SNAP25: variants seen among roughly 807,000 people sequenced by gnomAD.
The protein encoded by SNAP25 is synaptosome associated protein 25.
Under a neutral mutation model 28.7 loss-of-function variants are expected in SNAP25, and 3 were observed. That is an observed-to-expected ratio of 0.10 (90% CI 0.05 to 0.27). The LOEUF is 0.27. Ranked by LOEUF, SNAP25 falls within the 10% of genes least tolerant of loss-of-function variation. The probability of loss-of-function intolerance (pLI) is 1.00; values close to 1 mark genes in which losing one functional copy is unlikely to be tolerated. For missense variants in SNAP25, 117 were observed against 278.7 expected (o/e 0.42, Z 4.13); for synonymous variants, 61 against 88.1 (o/e 0.69, Z 1.72).
At chr20:10,241,293 C>T (rs926025673) in intron 1 of SNAP25, among the ~76,000 whole-genome samples, 1 of 152,062 alleles carries the variant, frequency 6.6e-6, no homozygotes, top group East Asian at 1.9e-4. Context: ...GGGGTGGCTC[C>T]GTACCCCAGC....
chr20:10,249,035 A>T (rs2063178840), intron 1 of SNAP25, among the ~76,000 whole-genome samples: 1 of 152,228 alleles, frequency 6.6e-6, no homozygotes, highest in Non-Finnish European at 1.5e-5. Flanking sequence ...CCATGGACAC[A>T]CAGCTTGTCA....
At chr20:10,260,617 G>A (rs1312205978) in intron 1 of SNAP25, among the ~76,000 whole-genome samples, 1 of 151,772 alleles carries the variant, frequency 6.6e-6, no homozygotes, top group Non-Finnish European at 1.5e-5. Context: ...AATCGGTCAG[G>A]AAACTCCCCT....
chr20:10,293,147 T>C lies in SNAP25; in HGVS notation c.164-14T>C, dbSNP rs2064035419. The C allele has an allele frequency of 1.9e-6, 3 of 1,605,586 alleles. No homozygotes were observed. In the African/African-American group the frequency reaches 4.0e-5, roughly 21 times the overall value. ...GCTTCATTCTGTGGGGATAAAATAC[T>C]TGTGTTTAATCAGAACAACTGGAAC... On this transcript the variant is annotated splice_polypyrimidine_tract_variant and intron_variant, in intron 4 of 7. Coordinates refer to ENST00000254976, the MANE Select transcript of SNAP25 (RefSeq NM_130811.4). The surrounding 1 kb of genome is among the most constrained non-coding windows in gnomAD (Gnocchi z 5.6).
intron 1 of SNAP25, among the ~76,000 whole-genome samples, chr20:10,221,362 A>G (rs1271534255): frequency 6.6e-6 from 1 of 152,218 alleles, no homozygotes; most frequent in Non-Finnish European, 1.5e-5. Context: ...TTACTGAGAA[A>G]TTTAAAAAAT....
At chr20:10,280,496 T>C (rs1293431682) in intron 3 of SNAP25, among the ~76,000 whole-genome samples, 2 of 152,132 alleles carry the variant, frequency 1.3e-5, no homozygotes, top group Non-Finnish European at 2.9e-5. Flanking sequence ...GAAACAGATA[T>C]GTAAGTAGCT....
At chr20:10,270,774 T>C (rs555465221) in intron 1 of SNAP25, among the ~76,000 whole-genome samples, 6 of 151,724 alleles carry the variant, frequency 4.0e-5, no homozygotes, top group Non-Finnish European at 8.8e-5. Flanking sequence ...TCCCTGAGGG[T>C]AGGGCCCAGC....
intron 7 of SNAP25, among the ~76,000 whole-genome samples, chr20:10,300,703 T>C (rs1255736235): frequency 1.3e-5 from 2 of 152,202 alleles, no homozygotes; most frequent in Admixed American, 6.5e-5. Flanking sequence ...AATATCTGAT[T>C]GCATATTTTG....
At chr20:10,223,511 C>T (rs2062672931) in intron 1 of SNAP25, among the ~76,000 whole-genome samples, 1 of 152,028 alleles carries the variant, frequency 6.6e-6, no homozygotes, top group African/African-American at 2.4e-5. Flanking sequence ...AAGCTGACTA[C>T]CTAGGGGAAA....
At chr20:10,247,768 C>G (rs1415542989) in intron 1 of SNAP25, among the ~76,000 whole-genome samples, 1 of 152,140 alleles carries the variant, frequency 6.6e-6, no homozygotes, top group African/African-American at 2.4e-5. Context: ...GATGATGGCA[C>G]GAAAGCAAAC....
intron 1 of SNAP25, among the ~76,000 whole-genome samples, chr20:10,247,990 T>C (rs1487388648): frequency 6.6e-6 from 1 of 152,184 alleles, no homozygotes; most frequent in Admixed American, 6.5e-5. Context: ...TAAGATGATT[T>C]CTCTCTGTTC....
At chr20:10,253,940 A>G (rs940528574) in intron 1 of SNAP25, among the ~76,000 whole-genome samples, 3 of 152,154 alleles carry the variant, frequency 2.0e-5, no homozygotes, top group African/African-American at 7.2e-5. Context: ...AGGGTTCCCT[A>G]CGCAGGATGT....
chr20:10,227,113 G>A (rs535333055), intron 1 of SNAP25, among the ~76,000 whole-genome samples: 3 of 152,018 alleles, frequency 2.0e-5, no homozygotes, highest in Admixed American at 6.6e-5. Flanking sequence ...TCAGTGATTC[G>A]GGATCAAGTA....
chr20:10,275,168 C>T (rs1295262874), intron 1 of SNAP25, among the ~76,000 whole-genome samples: 1 of 152,016 alleles, frequency 6.6e-6, no homozygotes, highest in African/African-American at 2.4e-5. Flanking sequence ...CTCATCATTC[C>T]CAACCCTTGG....
At chr20:10,284,148 T>G (rs904810133) in intron 3 of SNAP25, among the ~76,000 whole-genome samples, 2 of 152,122 alleles carry the variant, frequency 1.3e-5, no homozygotes, top group African/African-American at 2.4e-5. Flanking sequence ...TCCATAGAGA[T>G]AGAAAAATGG....
chr20:10,299,470 G>A (rs993120290), intron 7 of SNAP25, 58 bp downstream of exon 7: 3 of 1,556,326 alleles, frequency 1.9e-6, no homozygotes, highest in Non-Finnish European at 1.8e-6. Flanking sequence ...ATGACCAACA[G>A]GAAGTGTGAA....
chr20:10,291,616 C>A (rs1046898238), intron 4 of SNAP25, among the ~76,000 whole-genome samples: 1 of 152,182 alleles, frequency 6.6e-6, no homozygotes, highest in Non-Finnish European at 1.5e-5. Flanking sequence ...CACAGTCTGG[C>A]AGTTTGGGTC....
rs189987395 is a variant in SNAP25 at position 10,269,159 on chromosome 20, C to T, written c.-63-6270C>T. Among the ~76,000 whole-genome samples, 31 of 152,288 alleles carry T rather than the reference C, an allele frequency of 2.0e-4. No individual in the cohort carries two copies. The East Asian group carries it at 5.4e-3, about 27-fold the overall frequency. On this transcript the variant is annotated intron_variant, in intron 1 of 7. Transcript: ENST00000254976. ...GGCGCAGTGTCTCACGCCTGTAACC[C>T]GGCACTTTGGGAGGTCAGGGCAGGT...
intron 1 of SNAP25, among the ~76,000 whole-genome samples, chr20:10,220,721 G>A (rs964910349): frequency 2.6e-5 from 4 of 152,132 alleles, no homozygotes; most frequent in African/African-American, 9.7e-5. Flanking sequence ...GAGTAACAGC[G>A]TCATATGTAA....
At chr20:10,295,177 C>T (rs1398064709) in intron 5 of SNAP25, among the ~76,000 whole-genome samples, 1 of 152,212 alleles carries the variant, frequency 6.6e-6, no homozygotes, top group Non-Finnish European at 1.5e-5. Context: ...GAGGGCTTCG[C>T]CCTGTCTCGG....
Sources: allele counts gnomAD v4.1 joint callset (sites outside exome capture counted in the v4.1 genomes callset), GRCh38; gene constraint gnomAD v4.1.1; non-coding constraint Gnocchi (gnomAD v3.1); transcripts MANE v1.5; gene names NCBI Gene and HGNC (gene_info 2026-07-23, HGNC 2026-07-21).